The following ARHGAP15 variants were observed in gnomAD, a reference collection of about 807,000 sequenced individuals.
ARHGAP15 encodes rho GTPase-activating protein 15.
Under a neutral mutation model 63.7 loss-of-function variants are expected in ARHGAP15, and 51 were observed. The observed-to-expected ratio is 0.80, with a 90% CI of 0.64 to 1.01. The LOEUF is 1.01. Ranked by LOEUF, ARHGAP15 falls within the 50% of genes least tolerant of loss-of-function variation. ARHGAP15 has a pLI of 0.00. For synonymous variants in ARHGAP15, 191 were observed against 193.8 expected, an observed-to-expected ratio of 0.99 and a Z score of 0.12; for missense variants, 560 against 564.6, an observed-to-expected ratio of 0.99 and a Z score of 0.08.
At chr2:143,379,239 C>T (rs558268789) in intron 6 of ARHGAP15, among the ~76,000 whole-genome samples, 36 of 152,068 alleles carry the variant, frequency 2.4e-4, no homozygotes, top group Non-Finnish European at 4.0e-4. Context: ...GAGTAAATCA[C>T]CATCCAAGCA....
At chr2:143,530,583 C>T (rs141086292) in intron 10 of ARHGAP15, among the ~76,000 whole-genome samples, 1 of 150,616 alleles carries the variant, frequency 6.6e-6, no homozygotes, top group Non-Finnish European at 1.5e-5. Flanking sequence ...ATTGTGCCTA[C>T]TTCCTTGTAA....
chr2:143,640,918 G>A (rs1680568882), intron 12 of ARHGAP15: 1 of 152,124 alleles, frequency 6.6e-6, no homozygotes, highest in Non-Finnish European at 1.5e-5. Context: ...TCTTGTCATT[G>A]CGTTTCTTAT....
At chr2:143,684,069 A>G (rs1347101775) in intron 12 of ARHGAP15, among the ~76,000 whole-genome samples, 1 of 132,464 alleles carries the variant, frequency 7.5e-6, no homozygotes, top group African/African-American at 2.8e-5. Context: ...TTTTTTGCAC[A>G]CATTTATCTC....
rs73961812 is a variant in ARHGAP15 at position 143,589,806 on chromosome 2, G to C, written c.1003+33321G>C. Among the ~76,000 whole-genome samples the C allele has an allele frequency of 6.1e-3, 927 of 152,240 alleles. 10 individuals carry two copies. The highest frequency in any genetic ancestry group is 0.021 in the African/African-American group (872 of 41,536). ...AAAACAGAAGCACTAAAGCTTGGAAGTAATTTTATCCATTAAACATAAAGT... is the reference window on the plus strand; with the variant it reads ...AAAACAGAAGCACTAAAGCTTGGAACTAATTTTATCCATTAAACATAAAGT... On this transcript the variant is annotated intron_variant, in intron 11 of 13. Coordinates refer to ENST00000295095, the MANE Select transcript of ARHGAP15 (RefSeq NM_018460.4).
chr2:143,325,020 A>G (rs953929518), intron 6 of ARHGAP15, among the ~76,000 whole-genome samples: 1 of 152,204 alleles, frequency 6.6e-6, no homozygotes, highest in Non-Finnish European at 1.5e-5. Flanking sequence ...AAGAACACTT[A>G]CTAGTCAATC....
chr2:143,530,482 G>T (rs971227379), intron 10 of ARHGAP15, among the ~76,000 whole-genome samples: 6 of 152,138 alleles, frequency 3.9e-5, no homozygotes, highest in African/African-American at 1.4e-4. Flanking sequence ...AGCCAAATTT[G>T]ATGCTTTTGA....
chr2:143,719,343 C>T (rs1684949820), intron 13 of ARHGAP15, among the ~76,000 whole-genome samples: 1 of 152,160 alleles, frequency 6.6e-6, no homozygotes, highest in Admixed American at 6.5e-5. Flanking sequence ...TGTTGTTGGG[C>T]ATTAAAACAG....
chr2:143,319,593 C>T (rs1285408652), intron 6 of ARHGAP15, among the ~76,000 whole-genome samples: 2 of 152,168 alleles, frequency 1.3e-5, no homozygotes, highest in East Asian at 1.9e-4. Context: ...TTCTGTGCTC[C>T]CCAACCCCTG....
intron 6 of ARHGAP15, among the ~76,000 whole-genome samples, chr2:143,323,026 C>T (rs562711116): frequency 3.3e-5 from 5 of 152,304 alleles, no homozygotes; most frequent in South Asian, 2.1e-4. Context: ...ATCCATCTGT[C>T]CCTCCCTTGA....
At chr2:143,499,297 A>T (rs904155718) in intron 9 of ARHGAP15, among the ~76,000 whole-genome samples, 1 of 152,198 alleles carries the variant, frequency 6.6e-6, no homozygotes, top group African/African-American at 2.4e-5. Flanking sequence ...TTTGCAGCCA[A>T]TTCAGAATAA....
At chr2:143,603,196 G>A (rs1231146302) in intron 11 of ARHGAP15, among the ~76,000 whole-genome samples, 2 of 152,202 alleles carry the variant, frequency 1.3e-5, no homozygotes, top group Non-Finnish European at 2.9e-5. Flanking sequence ...GTCATGTGAA[G>A]TAGGTTTCTG....
chr2:143,382,750 T>C (rs1687115214), intron 6 of ARHGAP15, among the ~76,000 whole-genome samples: 1 of 152,192 alleles, frequency 6.6e-6, no homozygotes, highest in African/African-American at 2.4e-5. Flanking sequence ...CCCGTGAGGC[T>C]GAAAGTGCCA....
At chr2:143,706,977 T>C (rs1245557086) in intron 13 of ARHGAP15, among the ~76,000 whole-genome samples, 3 of 152,092 alleles carry the variant, frequency 2.0e-5, no homozygotes, top group Non-Finnish European at 2.9e-5. Flanking sequence ...AGAGTGAAGA[T>C]GAAGTTAGTG....
intron 6 of ARHGAP15, chr2:143,295,606 G>A (rs1682599237): frequency 6.6e-6 from 1 of 151,992 alleles, no homozygotes; most frequent in African/African-American, 2.4e-5. Flanking sequence ...CATGAATAGA[G>A]AGGTACTGAG....
At chr2:143,402,680 A>C (rs1688034075) in intron 6 of ARHGAP15, among the ~76,000 whole-genome samples, 1 of 151,864 alleles carries the variant, frequency 6.6e-6, no homozygotes. Context: ...CACAATTCAC[A>C]GGATGTCCCA....
At chr2:143,762,558 T>C (rs1481377922) in intron 13 of ARHGAP15, among the ~76,000 whole-genome samples, 1 of 152,144 alleles carries the variant, frequency 6.6e-6, no homozygotes, top group African/African-American at 2.4e-5. Flanking sequence ...TTCCTAACAT[T>C]TTCAGACTTG....
rs1180275705 is a variant in ARHGAP15, at chr2:143,165,990, GAAAGAAA to G, written c.165+10336_165+10342del. Among the ~76,000 whole-genome samples the G allele has an allele frequency of 3.6e-3, 451 of 126,708 alleles. 10 individuals are homozygous for G. The East Asian group carries it at 0.037, about 10-fold the overall frequency. The allele number at this position is 126,708 out of a possible 152,430, so 83.1% of individuals were successfully genotyped here. On this transcript the variant is annotated intron_variant, in intron 2 of 13. Transcript: ENST00000295095. ...AGAAAGAAAGAAAGAAAGAAAGAAA[GAAAGAAA>G]GAAAGAAGGAAGGAAGGAAAAAAAG...
chr2:143,206,553 CT>C (rs1692337637), intron 3 of ARHGAP15, among the ~76,000 whole-genome samples: 1 of 152,056 alleles, frequency 6.6e-6, no homozygotes, highest in African/African-American at 2.4e-5. Flanking sequence ...CTTCTTTGAT[CT>C]GTCTCTCAAT....
Position 143,624,257 on chromosome 2 carries a change from G to A in ARHGAP15, c.1128G>A (p.Val376=), listed in dbSNP as rs1698752886. The A allele has an allele frequency of 1.2e-6, 2 of 1,612,948 alleles. No homozygotes were observed. Among genetic ancestry groups the A allele is most frequent in the Admixed American group, 1.7e-5 (1 of 59,914 alleles). Reference sequence around the variant, plus strand: ...CTTACAGTTTCTTTGAGCAGTTTGTGGAAGCGATCAGTAAGTACCTCACAG... The same window carrying A: ...CTTACAGTTTCTTTGAGCAGTTTGTAGAAGCGATCAGTAAGTACCTCACAG... The part of the protein sequence containing the change: ...LFPYSFFEQF[V]EAIKKQDNNT... Residue 376 remains valine (V), a synonymous_variant, in exon 12 of 14, where the codon GTG becomes GTA. Coordinates refer to ENST00000295095, the MANE Select transcript of ARHGAP15 (RefSeq NM_018460.4).
Sources: gnomAD v4.1 joint callset for allele counts (sites outside exome capture counted in the v4.1 genomes callset) on GRCh38, gnomAD v4.1.1 for gene constraint, MANE v1.5 for transcripts, NCBI Gene and HGNC (gene_info 2026-07-23, HGNC 2026-07-21) for gene names.